The following SLC6A9 variants were observed in gnomAD, a reference collection of about 807,000 sequenced individuals.
The protein encoded by SLC6A9 is sodium- and chloride-dependent glycine transporter 1.
A neutral mutation model predicts 70.9 loss-of-function variants in SLC6A9; 31 were observed. That is an observed-to-expected ratio of 0.44 (90% CI 0.33 to 0.59). The LOEUF is 0.59. Ranked by LOEUF, SLC6A9 falls within the 20% of genes least tolerant of loss-of-function variation. SLC6A9 has a pLI of 0.04. For missense variants in SLC6A9, 631 were observed against 845.2 expected, an observed-to-expected ratio of 0.75 and a Z score of 3.14; for synonymous variants, 310 against 341.3, an observed-to-expected ratio of 0.91 and a Z score of 1.01.
At chr1:44,019,116 A>C (rs141037068) in intron 2 of SLC6A9, among the ~76,000 whole-genome samples, 40 of 152,284 alleles carry the variant, frequency 2.6e-4, no homozygotes, top group African/African-American at 8.9e-4. Context: ...CAATCATTGA[A>C]TCTAGTGAGC....
At chr1:44,025,907 G>C (rs906909222) in intron 1 of SLC6A9, among the ~76,000 whole-genome samples, 2 of 152,100 alleles carry the variant, frequency 1.3e-5, no homozygotes, top group African/African-American at 4.8e-5. Context: ...CTGTTCCCAA[G>C]GCTACTCTGG....
rs568302641 is a variant in SLC6A9 at position 44,009,311 on chromosome 1, C to T, written c.319+654G>A. 2.6e-5 allele frequency among the ~76,000 whole-genome samples: 4 copies of T among 152,044 alleles called. No individual in the cohort carries two copies. The East Asian group carries it at 7.7e-4, about 29-fold the overall frequency. ...CTTGGCTCACTACAAGCTCTGCCTCCCGGGTTCACGCCATTCTCCCGCCTC... is the reference window on the plus strand; with the variant it reads ...CTTGGCTCACTACAAGCTCTGCCTCTCGGGTTCACGCCATTCTCCCGCCTC... On this transcript the variant is annotated intron_variant, in intron 4 of 13. Transcript: ENST00000372310.
chr1:44,011,718 G>C (rs751046121), intron 2 of SLC6A9: 10 of 1,613,746 alleles, frequency 6.2e-6, no homozygotes, highest in Non-Finnish European at 7.6e-6. Flanking sequence ...AGGGAGAAGC[G>C]TCACCTGCAG....
chr1:44,009,072 G>C (rs1469070191), intron 4 of SLC6A9, among the ~76,000 whole-genome samples: 1 of 143,534 alleles, frequency 7.0e-6, no homozygotes, highest in East Asian at 2.0e-4. Flanking sequence ...TCTTGCCCAG[G>C]CTGGAGTGCA....
chr1:44,024,149 A>G (rs1350573542), intron 2 of SLC6A9, 99 bp downstream of exon 2: 2 of 1,235,296 alleles, frequency 1.6e-6, no homozygotes, highest in African/African-American at 1.5e-5. Flanking sequence ...GAGCCCTGGC[A>G]GTGCCGGCCT....
At position 44,018,399 on chromosome 1, in the gene SLC6A9, T is replaced by TGAACAACATGGTGAGACCAACCC. The variant is rs2086815189; in HGVS notation, c.30+5848_30+5849insGGGTTGGTCTCACCATGTTGTTC. ...CAAGGTCAGGAGTTTGAGACCAACCTGACCAACATGGTGAGACCAACCCCA... is the reference window on the plus strand; with the variant it reads ...CAAGGTCAGGAGTTTGAGACCAACCTGAACAACATGGTGAGACCAACCCGACCAACATGGTGAGACCAACCCCA... On this transcript the variant is annotated intron_variant, in intron 2 of 13. Coordinates refer to ENST00000372310, the MANE Select transcript of SLC6A9 (RefSeq NM_001024845.3). The surrounding 1 kb of genome is among the most constrained non-coding windows in gnomAD (Gnocchi z 4.2). Among the ~76,000 whole-genome samples, 3 of 152,010 alleles carry TGAACAACATGGTGAGACCAACCC rather than the reference T, an allele frequency of 2.0e-5. No individual in the cohort carries two copies. The highest frequency in any genetic ancestry group is 7.2e-5 in the African/African-American group (3 of 41,384).
chr1:44,000,685 A>T, intron 12 of SLC6A9, 82 bp downstream of exon 12: 1 of 915,844 alleles, frequency 1.1e-6, no homozygotes, highest in Non-Finnish European at 1.7e-6. Flanking sequence ...GGGAGCTCCC[A>T]CTGTCCCTCC....
intron 5 of SLC6A9, among the ~76,000 whole-genome samples, chr1:44,006,386 G>A (rs757778571): frequency 6.6e-5 from 10 of 151,914 alleles, no homozygotes; most frequent in Non-Finnish European, 1.0e-4. Flanking sequence ...TCAGGAGTTC[G>A]AGACCAGCCC....
chr1:44,002,997 A>C lies in SLC6A9; in HGVS notation c.591-12T>G, dbSNP rs1400961495. On this transcript the variant is annotated splice_polypyrimidine_tract_variant and intron_variant, in intron 5 of 13. Transcript: ENST00000372310. This position sits in a 1 kb window ranked among gnomAD's most constrained non-coding sequence, Gnocchi z 5.5. ...TCAGCACGTACAGCCTGGGAAGGGG[A>C]GACTCTGTCACTGAGGGCCAGCCGC... 1 of 1,613,714 alleles carries C rather than the reference A, an allele frequency of 6.2e-7. No homozygotes were observed. The highest frequency in any genetic ancestry group is 1.3e-5 in the African/African-American group (1 of 74,888).
At chr1:44,020,115 G>A (rs2086853538) in intron 2 of SLC6A9, among the ~76,000 whole-genome samples, 1 of 152,228 alleles carries the variant, frequency 6.6e-6, no homozygotes. Flanking sequence ...GGCTAGAAGA[G>A]CACCTCCACT....
chr1:44,008,705 C>A, intron 4 of SLC6A9, 82 bp from the exon 5 acceptor site: 4 of 1,131,544 alleles, frequency 3.5e-6, no homozygotes, highest in Non-Finnish European at 4.9e-6. Context: ...TTTTTCTTTT[C>A]TTTTCTTTTT....
At chr1:44,010,332 T>C in intron 3 of SLC6A9, 1 of 518,652 alleles carries the variant, frequency 1.9e-6, no homozygotes, top group Non-Finnish European at 3.5e-6. Context: ...GCCTCCATAC[T>C]TGGGTGGGAT....
intron 5 of SLC6A9, among the ~76,000 whole-genome samples, chr1:44,005,878 A>G (rs1289907037): frequency 6.6e-6 from 1 of 152,238 alleles, no homozygotes; most frequent in Non-Finnish European, 1.5e-5. Flanking sequence ...CGCATGGGAC[A>G]GTGGCCAGTT....
At chr1:44,021,528 C>T (rs1350362716) in intron 2 of SLC6A9, among the ~76,000 whole-genome samples, 1 of 152,198 alleles carries the variant, frequency 6.6e-6, no homozygotes, top group Non-Finnish European at 1.5e-5. Context: ...GTCCTCACAC[C>T]CAAACCTGGG....
chr1:44,002,338 T>C lies in SLC6A9; in HGVS notation c.937A>G (p.Asn313Asp), dbSNP rs1262122735. 4.3e-6 allele frequency: 7 copies of C among 1,613,868 alleles called. No individual in the cohort carries two copies. Among genetic ancestry groups the C allele is most frequent in the Non-Finnish European group, 5.9e-6 (7 of 1,179,796 alleles). ...WGGLITMASY[N>D]KFHNNCYRDS... is the part of the protein sequence containing the mutation. Reference sequence around the variant, plus strand: ...CGGTAACAGTTATTGTGGAACTTGTTGTAGGAAGCCATGGTGATGAGGCCT... The same window carrying C: ...CGGTAACAGTTATTGTGGAACTTGTCGTAGGAAGCCATGGTGATGAGGCCT... Residue 313 changes from asparagine (N) to aspartate (D), a missense_variant, in exon 8 of 14, where the codon AAC (asparagine) becomes GAC (aspartate). Physicochemically the swap from Asn to Asp is conservative, Grantham distance 23 (BLOSUM62 1). Transcript: ENST00000372310. The surrounding 1 kb of genome is among the most constrained non-coding windows in gnomAD (Gnocchi z 5.5).
intron 2 of SLC6A9, among the ~76,000 whole-genome samples, chr1:44,019,936 G>T (rs112666343): frequency 2.0e-5 from 3 of 151,984 alleles, no homozygotes; most frequent in African/African-American, 7.3e-5. Flanking sequence ...GGGTTGAGTA[G>T]GTGGGCTAGA....
intron 2 of SLC6A9, among the ~76,000 whole-genome samples, chr1:44,022,366 C>A (rs1431431584): frequency 6.6e-6 from 1 of 152,172 alleles, no homozygotes; most frequent in Non-Finnish European, 1.5e-5. Flanking sequence ...CTTCTTATCA[C>A]AAGCCCATGG....
intron 2 of SLC6A9, 127 bp downstream of exon 2, chr1:44,024,121 G>T: frequency 1.1e-6 from 1 of 932,160 alleles, no homozygotes; most frequent in Non-Finnish European, 1.8e-6. Context: ...CCCAGGCCGG[G>T]GTCAGCTGGG....
intron 5 of SLC6A9, among the ~76,000 whole-genome samples, chr1:44,004,625 C>A (rs1446065331): frequency 6.6e-6 from 1 of 152,256 alleles, no homozygotes; most frequent in Non-Finnish European, 1.5e-5. Flanking sequence ...GGATTACAGG[C>A]ATGAGCCACC....
Sources: gnomAD v4.1 joint callset for allele counts (sites outside exome capture counted in the v4.1 genomes callset) on GRCh38, gnomAD v4.1.1 for gene constraint, Gnocchi (gnomAD v3.1) non-coding constraint, MANE v1.5 for transcripts, NCBI Gene and HGNC (gene_info 2026-07-23, HGNC 2026-07-21) for gene names.